Variants in CSMD3 observed in about 807,000 individuals in gnomAD.
CSMD3 encodes the protein CUB and sushi domain-containing protein 3.
CSMD3 carries 177 observed loss-of-function variants against 435.2 expected under a neutral mutation model. The observed-to-expected ratio is 0.41, with a 90% CI of 0.36 to 0.46. The LOEUF is 0.46. Among genes scored for constraint, CSMD3 ranks in the 20% least tolerant of loss-of-function variants. CSMD3 has a pLI of 0.34. For missense variants in CSMD3, 4,265 were observed against 4,504.6 expected (o/e 0.95, Z 1.52); for synonymous variants, 1,656 against 1,520.5 (o/e 1.09, Z -2.07).
chr8:113,236,273 G>A (rs962099922), intron 3 of CSMD3, among the ~76,000 whole-genome samples: 1 of 152,140 alleles, frequency 6.6e-6, no homozygotes, highest in East Asian at 1.9e-4. Context: ...CATAAAAAGA[G>A]ATTCCCCTTA....
At chr8:112,839,943 A>G (rs1324485637) in intron 11 of CSMD3, among the ~76,000 whole-genome samples, 1 of 151,748 alleles carries the variant, frequency 6.6e-6, no homozygotes, top group Non-Finnish European at 1.5e-5. Context: ...GATGTAAGAT[A>G]CCAGCTTCTC....
intron 13 of CSMD3, among the ~76,000 whole-genome samples, chr8:112,757,604 C>T (rs1311930777): frequency 6.6e-6 from 1 of 151,984 alleles, no homozygotes; most frequent in African/African-American, 2.4e-5. Flanking sequence ...TGCTCTGTGA[C>T]CTCAGTTCTT....
At position 112,255,431 on chromosome 8, in the gene CSMD3, G is replaced by A. The variant is rs2130280844; in HGVS notation, c.9863-4C>T. ...CCAGGGTCACCACAAAACTTTGCTG[G>A]AAATGAAAAGAAAGACGCTTATATC... On this transcript the variant is annotated splice_region_variant and splice_polypyrimidine_tract_variant and intron_variant, in intron 61 of 70. Coordinates refer to ENST00000297405, the MANE Select transcript of CSMD3 (RefSeq NM_198123.2). The A allele has an allele frequency of 6.2e-7, 1 of 1,613,332 alleles. No homozygotes were observed. Among genetic ancestry groups the A allele is most frequent in the Non-Finnish European group, 8.5e-7 (1 of 1,179,548 alleles).
chr8:113,156,539 C>G (rs977879532), intron 4 of CSMD3, among the ~76,000 whole-genome samples: 1 of 151,674 alleles, frequency 6.6e-6, no homozygotes, highest in African/African-American at 2.4e-5. Context: ...TCTACTCTTT[C>G]TCTTTTTATT....
At chr8:112,991,061 C>A (rs2131016831) in intron 6 of CSMD3, among the ~76,000 whole-genome samples, 1 of 151,814 alleles carries the variant, frequency 6.6e-6, no homozygotes, top group East Asian at 1.9e-4. Context: ...AATTATCTGT[C>A]TGTATTCATT....
At chr8:113,323,105 C>G (rs1437544343) in intron 1 of CSMD3, among the ~76,000 whole-genome samples, 1 of 152,128 alleles carries the variant, frequency 6.6e-6, no homozygotes, top group East Asian at 1.9e-4. Context: ...TACCCCATTT[C>G]AGTAACTATT....
At chr8:112,428,777 A>T (rs1057157450) in intron 32 of CSMD3, among the ~76,000 whole-genome samples, 1 of 152,032 alleles carries the variant, frequency 6.6e-6, no homozygotes, top group African/African-American at 2.4e-5. Context: ...TGTTCCGTGG[A>T]TCCTCCCTGA....
intron 22 of CSMD3, among the ~76,000 whole-genome samples, chr8:112,611,372 A>G (rs904884235): frequency 2.6e-4 from 40 of 152,198 alleles, no homozygotes; most frequent in African/African-American, 9.6e-4. Context: ...ATTCAAGGAA[A>G]TAAACCATCT....
At chr8:113,335,537 CTTTTT>C (rs1222360431) in intron 1 of CSMD3, among the ~76,000 whole-genome samples, 4 of 29,706 alleles carry the variant, frequency 1.3e-4, no homozygotes, top group Admixed American at 5.6e-4. Flanking sequence ...CCTCCTCCTT[CTTTTT>C]TTTTTTTTTT....
chr8:113,061,163 C>G (rs1178941350), intron 5 of CSMD3, among the ~76,000 whole-genome samples: 1 of 152,074 alleles, frequency 6.6e-6, no homozygotes, highest in Non-Finnish European at 1.5e-5. Context: ...CTTCTCAGAT[C>G]TTTTAAGGTC....
chr8:112,266,751 C>T (rs1166022962), intron 59 of CSMD3, among the ~76,000 whole-genome samples: 1 of 152,094 alleles, frequency 6.6e-6, no homozygotes, highest in Non-Finnish European at 1.5e-5. Flanking sequence ...TAAATACAAA[C>T]ATAAGATTCA....
intron 11 of CSMD3, among the ~76,000 whole-genome samples, chr8:112,851,372 AC>A (rs1198854237): frequency 2.6e-5 from 4 of 152,142 alleles, no homozygotes; most frequent in Non-Finnish European, 5.9e-5. Context: ...GCCCAGTTTC[AC>A]GTTTTTTCTC....
At chr8:113,430,463 A>C (rs2094665347) in intron 1 of CSMD3, among the ~76,000 whole-genome samples, 2 of 152,132 alleles carry the variant, frequency 1.3e-5, no homozygotes. Context: ...TTTGACCTTC[A>C]GTGGCTCCAG....
chr8:112,329,393 CCA>C (rs1372344236), intron 45 of CSMD3, among the ~76,000 whole-genome samples: 5 of 152,106 alleles, frequency 3.3e-5, no homozygotes, highest in African/African-American at 1.2e-4. Flanking sequence ...AATAGTATTT[CCA>C]CACTAATTAT....
chr8:113,000,003 T>A (rs1425584253), intron 6 of CSMD3, among the ~76,000 whole-genome samples: 1 of 151,946 alleles, frequency 6.6e-6, no homozygotes, highest in Non-Finnish European at 1.5e-5. Flanking sequence ...GAGCTGGAGA[T>A]ATGATGTTGG....
intron 4 of CSMD3, among the ~76,000 whole-genome samples, chr8:113,139,664 G>A (rs896497609): frequency 8.6e-5 from 13 of 150,660 alleles, no homozygotes; most frequent in Admixed American, 2.7e-4. Context: ...ACAGAGAAAA[G>A]AAAATGAAAA....
intron 36 of CSMD3, among the ~76,000 whole-genome samples, chr8:112,384,079 A>G (rs905349349): frequency 4.7e-5 from 7 of 148,002 alleles, no homozygotes; most frequent in African/African-American, 1.9e-4. Context: ...TCTGTGGTCT[A>G]CAAGCCTGTA....
chr8:112,960,549 T>C (rs2084189256), intron 7 of CSMD3, among the ~76,000 whole-genome samples: 1 of 151,748 alleles, frequency 6.6e-6, no homozygotes, highest in African/African-American at 2.4e-5. Context: ...GTTAAGTAGC[T>C]CATGAATCTT....
intron 6 of CSMD3, among the ~76,000 whole-genome samples, chr8:112,986,581 T>C (rs1019267374): frequency 6.6e-6 from 1 of 152,108 alleles, no homozygotes; most frequent in African/African-American, 2.4e-5. Flanking sequence ...AACCATCGAA[T>C]GCTCTAGTCC....
Sources: gnomAD v4.1 joint callset for allele counts (sites outside exome capture counted in the v4.1 genomes callset) on GRCh38, gnomAD v4.1.1 for gene constraint, MANE v1.5 for transcripts, NCBI Gene and HGNC (gene_info 2026-07-23, HGNC 2026-07-21) for gene names.